Variants in NPTX2 observed in about 807,000 individuals in gnomAD.
NPTX2 encodes neuronal pentraxin-2.
A neutral mutation model predicts 38.1 loss-of-function variants in NPTX2; 23 were observed. The observed-to-expected ratio is 0.60, with a 90% confidence interval of 0.43 to 0.85. NPTX2 has a LOEUF of 0.85. Among genes scored for constraint, NPTX2 ranks in the 40% least tolerant of loss-of-function variants. The pLI, the probability that NPTX2 is intolerant of heterozygous loss-of-function variation, is 0.00. For missense variants in NPTX2, 553 were observed against 615.3 expected (o/e 0.90, Z 1.07); for synonymous variants, 291 against 287.3 (o/e 1.01, Z -0.13).
intron 2 of NPTX2, 50 bp downstream of exon 2, chr7:98,619,909 C>G: frequency 6.6e-7 from 1 of 1,524,250 alleles, no homozygotes. Context: ...ATTTTCACCA[C>G]TTGTGGTCAG....
Position 98,617,707 on chromosome 7 carries a change from G to C in NPTX2, c.246G>C (p.Glu82Asp). The C allele has an allele frequency of 7.0e-7, 1 of 1,437,338 alleles. No individual in the cohort carries two copies. The highest frequency in any genetic ancestry group is 9.0e-7 in the Non-Finnish European group (1 of 1,107,232). The allele number at this position is 1,437,338 out of a possible 1,614,324, so 89.0% of individuals were successfully genotyped here. The change falls in exon 1 of 5, where the codon GAG (glutamate) becomes GAC (aspartate). Residue 82 changes from glutamate to aspartate, a missense_variant. Glu to Asp is a conservative substitution (Grantham distance 45). Coordinates refer to ENST00000265634, the MANE Select transcript of NPTX2 (RefSeq NM_002523.3). ...QQKETLGAQR[E>D]AIRELTGKLA... ...AGGAGACGCTGGGCGCGCAGCGCGA[G>C]GCCATCCGCGAGCTCACGGGCAAGC...
intron 2 of NPTX2, among the ~76,000 whole-genome samples, chr7:98,623,913 TCTG>T (rs1302299392): frequency 6.6e-6 from 1 of 152,202 alleles, no homozygotes; most frequent in East Asian, 1.9e-4. Flanking sequence ...CTACCTTTCT[TCTG>T]CTCCTTCCTC....
intron 3 of NPTX2, 31 bp from the exon 4 acceptor site, chr7:98,627,134 C>G (rs1301468173): frequency 6.4e-7 from 1 of 1,564,482 alleles, no homozygotes; most frequent in Non-Finnish European, 8.8e-7. Flanking sequence ...GTGGGCCCAG[C>G]AGGTCCTTAC....
intron 3 of NPTX2, among the ~76,000 whole-genome samples, chr7:98,626,453 G>A (rs1791352117): frequency 6.6e-6 from 1 of 152,122 alleles, no homozygotes; most frequent in Non-Finnish European, 1.5e-5. Flanking sequence ...AGACCCCCTT[G>A]CCTGAGCCAG....
intron 4 of NPTX2, among the ~76,000 whole-genome samples, chr7:98,627,714 T>A (rs1791376853): frequency 6.6e-6 from 1 of 152,182 alleles, no homozygotes; most frequent in South Asian, 2.1e-4. Flanking sequence ...TGACACAGGC[T>A]CCAGCTTCCA....
chr7:98,627,080 G>A (rs1035584230), intron 3 of NPTX2, 85 bp from the exon 4 acceptor site: 4 of 859,948 alleles, frequency 4.7e-6, no homozygotes, highest in African/African-American at 3.3e-5. Flanking sequence ...CAGGGGGACT[G>A]TGGGGTGTCC....
At position 98,617,832 on chromosome 7, in the gene NPTX2, T is replaced by C. The variant is rs779672541; in HGVS notation, c.371T>C (p.Val124Ala). 3 of 1,548,392 alleles carry C rather than the reference T, an allele frequency of 1.9e-6. No homozygotes were observed. Among genetic ancestry groups the C allele is most frequent in the Non-Finnish European group, 2.6e-6 (3 of 1,155,888 alleles). Residue 124 changes from valine to alanine, a missense_variant, in exon 1 of 5, where the codon GTG becomes GCG. Val to Ala is a moderately conservative substitution (Grantham distance 64). Coordinates refer to ENST00000265634, the MANE Select transcript of NPTX2 (RefSeq NM_002523.3). ...GDLPRDPGHV[V>A]EQLSRSLQTL... is the part of the protein sequence containing the mutation. The stretch of plus-strand genomic sequence containing the variant: ...CTGCCGCGGGACCCCGGCCACGTCG[T>C]GGAGCAGCTCAGCCGCTCGCTGCAG...
intron 2 of NPTX2, among the ~76,000 whole-genome samples, chr7:98,622,746 C>T (rs1159266845): frequency 6.6e-6 from 1 of 152,230 alleles, no homozygotes; most frequent in African/African-American, 2.4e-5. Flanking sequence ...AGCAGGTCTT[C>T]CCAGCCCTCG....
rs1053320442 is a variant in NPTX2 at position 98,627,236 on chromosome 7, T to A, written c.960T>A (p.Asp320Glu). The change falls in exon 4 of 5, where the codon GAT (aspartate) becomes GAA (glutamate). Residue 320 changes from aspartate (D) to glutamate (E), a missense_variant. Coordinates refer to ENST00000265634, the MANE Select transcript of NPTX2 (RefSeq NM_002523.3). ...TCTGTGTCACCTGGACGACACGGGA[T>A]GGCATGTGGGAGGCATTCCAGGACG... ...HHICVTWTTR[D>E]GMWEAFQDGE... 2.5e-6 allele frequency: 4 copies of A among 1,613,408 alleles called. No individual in the cohort carries two copies. The African/African-American group carries it at 5.3e-5, about 22-fold the overall frequency.
rs1436890232 is a variant in NPTX2, at chr7:98,617,834, G to GAGC, written c.377_379dup (p.Gln126dup). The stretch of plus-strand genomic sequence containing the variant: ...GCCGCGGGACCCCGGCCACGTCGTG[G>GAGC]AGCAGCTCAGCCGCTCGCTGCAGAC... On this transcript the variant is annotated inframe_insertion, in exon 1 of 5. Transcript: ENST00000265634. 6.4e-7 allele frequency: 1 copy of GAGC among 1,550,838 alleles called. No homozygotes were observed. Among genetic ancestry groups the GAGC allele is most frequent in the East Asian group, 2.4e-5 (1 of 41,744 alleles).
rs1369219309 is a variant in NPTX2 at position 98,625,064 on chromosome 7, A to G, written c.786A>G (p.Pro262=). 1 of 1,613,422 alleles carries G rather than the reference A, an allele frequency of 6.2e-7. No individual in the cohort carries two copies. Among genetic ancestry groups the G allele is most frequent in the East Asian group, 2.2e-5 (1 of 44,866 alleles). Residue 262 remains proline, a synonymous_variant, in exon 3 of 5, where the codon CCA becomes CCG. Transcript: ENST00000265634. The part of the protein sequence containing the change: ...ICLWLRSSAS[P]GIGTPFSYAV... ...TGTGGCTGCGGTCCAGCGCCTCACC[A>G]GGCATTGGCACCCCCTTCTCCTATG...
chr7:98,619,934 T>C (rs1791247842), intron 2 of NPTX2, 75 bp downstream of exon 2: 2 of 1,312,854 alleles, frequency 1.5e-6, no homozygotes, highest in East Asian at 2.5e-5. Flanking sequence ...GCGATTCTGG[T>C]TGATGGACAG....
At chr7:98,618,618 C>T (rs1791222693) in intron 1 of NPTX2, among the ~76,000 whole-genome samples, 1 of 138,208 alleles carries the variant, frequency 7.2e-6, no homozygotes, top group Non-Finnish European at 1.6e-5. Flanking sequence ...CCCCCCGCTC[C>T]CGCCTCCGTC....
rs747205631 is a variant in NPTX2 at position 98,619,740 on chromosome 7, G to A, written c.524G>A (p.Arg175His). The A allele has an allele frequency of 6.2e-6, 10 of 1,613,220 alleles. No individual in the cohort carries two copies. The highest frequency in any genetic ancestry group is 2.2e-5 in the East Asian group (1 of 44,892). Residue 175 changes from arginine to histidine, a missense_variant, in exon 2 of 5, where the codon CGC (arginine) becomes CAC (histidine). Arg to His is a conservative substitution (Grantham distance 29). Transcript: ENST00000265634. ...RLGELERQLL[R>H]KVAELEDEKS... Reference sequence around the variant, plus strand: ...GGGGAGCTGGAGAGGCAGCTTCTGCGCAAGGTGGCAGAGCTGGAGGACGAG... The same window carrying A: ...GGGGAGCTGGAGAGGCAGCTTCTGCACAAGGTGGCAGAGCTGGAGGACGAG...
chr7:98,618,584 C>T (rs1791218749), intron 1 of NPTX2, among the ~76,000 whole-genome samples: 1 of 63,610 alleles, frequency 1.6e-5, no homozygotes, highest in Non-Finnish European at 3.1e-5. Flanking sequence ...CCCTCCCCCC[C>T]TCCCCCTCCG....
Position 98,624,971 on chromosome 7 carries a change from C to T in NPTX2, c.693C>T (p.Leu231=). 6.2e-7 allele frequency: 1 copy of T among 1,613,916 alleles called. No individual in the cohort carries two copies. Among genetic ancestry groups the T allele is most frequent in the African/African-American group, 1.3e-5 (1 of 75,064 alleles). The change falls in exon 3 of 5, where the codon CTC becomes CTT. Residue 231 remains leucine (L), a synonymous_variant. Coordinates refer to ENST00000265634, the MANE Select transcript of NPTX2 (RefSeq NM_002523.3). The part of the protein sequence containing the change: ...SPDAFKVSLP[L]RTNYLYGKIK... ...ATGCGTTCAAGGTGTCCCTCCCACT[C>T]CGCACAAACTACCTATACGGCAAGA...
chr7:98,619,409 A>G (rs981527954), intron 1 of NPTX2, among the ~76,000 whole-genome samples: 1 of 152,218 alleles, frequency 6.6e-6, no homozygotes, highest in African/African-American at 2.4e-5. Context: ...CTTTTTGAGA[A>G]GGGAAAATTA....
rs966050733 is a variant in NPTX2 at position 98,628,778 on chromosome 7, G to C, written c.*149G>C. 1.3e-4 allele frequency: 67 copies of C among 513,026 alleles called. No homozygotes were observed. Among genetic ancestry groups the C allele is most frequent in the Non-Finnish European group, 1.0e-5 (3 of 288,584 alleles). 31.8% of individuals were successfully genotyped at this position (513,026 alleles called of 1,614,324 possible). A position where few individuals can be genotyped will look rare whatever the true frequency, so the allele number is the denominator to read the frequency against. ...AATCTCTAAGACCAGGGCTGGGGCA[G>C]TGTCTGTCACTGGCTTGTTTGTTCC... is the stretch of plus-strand genomic sequence containing the variant. On this transcript the variant is annotated 3_prime_UTR_variant, in exon 5 of 5. Transcript: ENST00000265634.
rs531238339 is a variant in NPTX2, at chr7:98,628,593, C to G, written c.1260C>G (p.Pro420=). The change falls in exon 5 of 5, where the codon CCC becomes CCG. Residue 420 remains proline, a synonymous_variant. Coordinates refer to ENST00000265634, the MANE Select transcript of NPTX2 (RefSeq NM_002523.3). The part of the protein sequence containing the change: ...VDVFGGASKW[P]VETCEERLLD... Reference sequence around the variant, plus strand: ...TGTTCGGAGGGGCCTCCAAGTGGCCCGTGGAGACGTGTGAGGAGCGTCTCC... The same window carrying G: ...TGTTCGGAGGGGCCTCCAAGTGGCCGGTGGAGACGTGTGAGGAGCGTCTCC... 5.0e-6 allele frequency: 8 copies of G among 1,591,760 alleles called. No individual in the cohort carries two copies. In the Admixed American group the frequency reaches 8.5e-5, roughly 17 times the overall value.
Sources: gnomAD v4.1 joint callset for allele counts (sites outside exome capture counted in the v4.1 genomes callset) on GRCh38, gnomAD v4.1.1 for gene constraint, MANE v1.5 for transcripts, NCBI Gene and HGNC (gene_info 2026-07-23, HGNC 2026-07-21) for gene names.